DCAF8: variants seen among roughly 807,000 people sequenced by gnomAD.
DCAF8 encodes DDB1- and CUL4-associated factor 8.
A neutral mutation model predicts 68.0 loss-of-function variants in DCAF8; 20 were observed. The observed-to-expected ratio is 0.29, with a 90% CI of 0.21 to 0.43. DCAF8 has a LOEUF of 0.43. DCAF8 is among the 20% of genes least tolerant of loss of function. The pLI, the probability that DCAF8 is intolerant of heterozygous loss-of-function variation, is 1.00. For synonymous variants in DCAF8, 230 were observed against 276.9 expected, an observed-to-expected ratio of 0.83 and a Z score of 1.68; for missense variants, 460 against 771.0, an observed-to-expected ratio of 0.60 and a Z score of 4.78.
At chr1:160,241,614 C>T (rs1656119893) in intron 3 of DCAF8, among the ~76,000 whole-genome samples, 1 of 152,172 alleles carries the variant, frequency 6.6e-6, no homozygotes, top group Admixed American at 6.5e-5. Flanking sequence ...ACCACAACTT[C>T]CAACCTAAGT....
chr1:160,222,635 A>C lies in DCAF8; in HGVS notation c.1440+16T>G, dbSNP rs1332385163. On this transcript the variant is annotated intron_variant, in intron 11 of 13. Coordinates refer to ENST00000368074, the MANE Select transcript of DCAF8 (RefSeq NM_015726.4). ...GAGAGATTAGGGAGCCAGCCAGCTC[A>C]GCACACCATACTCACCACGCCTCCC... 6.2e-7 allele frequency: 1 copy of C among 1,613,890 alleles called. No individual in the cohort carries two copies. The highest frequency in any genetic ancestry group is 8.5e-7 in the Non-Finnish European group (1 of 1,179,836).
chr1:160,254,619 C>A (rs185452508), intron 2 of DCAF8, among the ~76,000 whole-genome samples: 1 of 152,032 alleles, frequency 6.6e-6, no homozygotes, highest in African/African-American at 2.4e-5. Context: ...TGGTAAAACC[C>A]CATTTCTACT....
intron 6 of DCAF8, among the ~76,000 whole-genome samples, chr1:160,234,331 A>G (rs989638638): frequency 1.1e-4 from 17 of 151,906 alleles, no homozygotes; most frequent in African/African-American, 4.1e-4. Context: ...CCTTACAACA[A>G]AAACTTTAAA....
intron 2 of DCAF8, among the ~76,000 whole-genome samples, chr1:160,259,676 T>C (rs1328206054): frequency 6.6e-6 from 1 of 152,066 alleles, no homozygotes; most frequent in Non-Finnish European, 1.5e-5. Context: ...AAGGAAAAAA[T>C]GTATTCCCTT....
chr1:160,245,687 G>A (rs1039941376), intron 2 of DCAF8, among the ~76,000 whole-genome samples: 1 of 152,148 alleles, frequency 6.6e-6, no homozygotes, highest in Non-Finnish European at 1.5e-5. Flanking sequence ...ATAGTGAGAA[G>A]CTGTTTGCAA....
At chr1:160,245,644 A>C (rs1656293758) in intron 2 of DCAF8, among the ~76,000 whole-genome samples, 1 of 152,214 alleles carries the variant, frequency 6.6e-6, no homozygotes, top group South Asian at 2.1e-4. Flanking sequence ...CAATGGCAAC[A>C]AAAAACAGAT....
At chr1:160,241,776 C>T (rs1656125735) in intron 3 of DCAF8, among the ~76,000 whole-genome samples, 1 of 152,208 alleles carries the variant, frequency 6.6e-6, no homozygotes, top group East Asian at 1.9e-4. Context: ...CAATACCACA[C>T]TGATGTTTAA....
intron 6 of DCAF8, among the ~76,000 whole-genome samples, chr1:160,234,853 C>T (rs1028059298): frequency 6.6e-6 from 1 of 152,122 alleles, no homozygotes; most frequent in African/African-American, 2.4e-5. Context: ...GTTCCATTTC[C>T]ACTATAAATC....
chr1:160,222,534 C>T, intron 11 of DCAF8, 117 bp downstream of exon 11: 1 of 1,398,582 alleles, frequency 7.2e-7, no homozygotes, highest in Non-Finnish European at 9.8e-7. Context: ...TTATGGCTGG[C>T]TGGACCTCTA....
intron 2 of DCAF8, among the ~76,000 whole-genome samples, chr1:160,257,859 G>A (rs1656900175): frequency 6.6e-6 from 1 of 152,124 alleles, no homozygotes; most frequent in Non-Finnish European, 1.5e-5. Flanking sequence ...GCCTCCCAAG[G>A]AGATGGGACT....
intron 2 of DCAF8, among the ~76,000 whole-genome samples, chr1:160,244,342 G>A (rs1656235548): frequency 6.6e-6 from 1 of 152,190 alleles, no homozygotes; most frequent in Non-Finnish European, 1.5e-5. Context: ...CCTGGAACAG[G>A]AGGCACATAT....
At chr1:160,256,012 C>CT (rs11284812) in intron 2 of DCAF8, among the ~76,000 whole-genome samples, 828 of 75,510 alleles carry the variant, frequency 0.011, 19 homozygotes, top group African/African-American at 0.02. Context: ...ACTAAGCAAA[C>CT]TTTTTTTTTT....
intron 2 of DCAF8, among the ~76,000 whole-genome samples, chr1:160,251,266 C>G (rs1018731502): frequency 2.0e-5 from 3 of 152,214 alleles, no homozygotes; most frequent in African/African-American, 7.2e-5. Flanking sequence ...CAGGGTTGAT[C>G]TCCATCCAAA....
chr1:160,224,994 T>C, intron 9 of DCAF8, 68 bp downstream of exon 9: 1 of 1,502,990 alleles, frequency 6.7e-7, no homozygotes, highest in Non-Finnish European at 9.3e-7. Context: ...GGCACATGCC[T>C]CACTGGCTCA....
At chr1:160,235,391 T>A (rs1032794104) in intron 6 of DCAF8, among the ~76,000 whole-genome samples, 2 of 151,896 alleles carry the variant, frequency 1.3e-5, no homozygotes, top group African/African-American at 4.9e-5. Flanking sequence ...AGTGCTGGGG[T>A]TACAGGCATG....
chr1:160,241,574 G>C (rs905590189), intron 3 of DCAF8, among the ~76,000 whole-genome samples: 1 of 152,160 alleles, frequency 6.6e-6, no homozygotes, highest in Non-Finnish European at 1.5e-5. Flanking sequence ...ATTCCAATGA[G>C]AACTTGAGGA....
intron 4 of DCAF8, 185 bp from the exon 5 acceptor site, chr1:160,238,932 G>GA: frequency 1.3e-6 from 1 of 746,132 alleles, no homozygotes; most frequent in Non-Finnish European, 2.0e-6. Flanking sequence ...GAAAGGGAGA[G>GA]AAAAAACTTC....
intron 4 of DCAF8, chr1:160,239,159 T>C (rs1655999343): frequency 9.4e-7 from 1 of 1,058,344 alleles, no homozygotes; most frequent in South Asian, 3.6e-5. Context: ...GATAAATGGC[T>C]GGTACCAGTA....
chr1:160,243,676 T>C (rs1374729813), intron 3 of DCAF8, among the ~76,000 whole-genome samples: 1 of 152,184 alleles, frequency 6.6e-6, no homozygotes, highest in Non-Finnish European at 1.5e-5. Context: ...ACTAACAGCA[T>C]TTCCTAGGTT....
Sources: gnomAD v4.1 joint callset for allele counts (sites outside exome capture counted in the v4.1 genomes callset) on GRCh38, gnomAD v4.1.1 for gene constraint, MANE v1.5 for transcripts, NCBI Gene and HGNC (gene_info 2026-07-23, HGNC 2026-07-21) for gene names.